Variants in SNX29 observed in about 807,000 individuals in gnomAD.
SNX29 encodes the protein sorting nexin-29.
SNX29 carries 78 observed loss-of-function variants against 102.1 expected under a neutral mutation model. The ratio of observed to expected loss-of-function variants is 0.76; its 90% CI spans 0.64 to 0.92. The LOEUF (loss-of-function observed/expected upper bound fraction) is 0.92. Ranked by LOEUF, SNX29 falls within the 40% of genes least tolerant of loss-of-function variation. The pLI is 0.00. For missense variants in SNX29, 1,280 were observed against 1,061.7 expected, an observed-to-expected ratio of 1.21 and a Z score of -2.86; for synonymous variants, 580 against 414.5, an observed-to-expected ratio of 1.40 and a Z score of -4.85.
intron 4 of SNX29, among the ~76,000 whole-genome samples, chr16:12,031,922 C>T (rs2057357001): frequency 6.6e-6 from 1 of 152,180 alleles, no homozygotes; most frequent in Non-Finnish European, 1.5e-5. Context: ...TGTACATTCA[C>T]ATGTCATACA....
At chr16:12,061,303 C>G (rs542933965) in intron 8 of SNX29, among the ~76,000 whole-genome samples, 1 of 152,214 alleles carries the variant, frequency 6.6e-6, no homozygotes, top group Non-Finnish European at 1.5e-5. Flanking sequence ...GTAGGGAGCA[C>G]AGTGCCTGGC....
At chr16:12,166,449 T>C (rs1239032232) in intron 13 of SNX29, among the ~76,000 whole-genome samples, 1 of 151,862 alleles carries the variant, frequency 6.6e-6, no homozygotes, top group South Asian at 2.1e-4. Flanking sequence ...GTTAACATGG[T>C]GAAGGAAGGG....
intron 14 of SNX29, among the ~76,000 whole-genome samples, chr16:12,230,645 A>T (rs776039326): frequency 2.0e-5 from 3 of 152,230 alleles, no homozygotes; most frequent in Admixed American, 6.5e-5. Context: ...AGCAGATGGT[A>T]GGCCTTGAAT....
chr16:12,337,860 G>T (rs556416800), intron 15 of SNX29, among the ~76,000 whole-genome samples: 1 of 152,118 alleles, frequency 6.6e-6, no homozygotes, highest in Admixed American at 6.6e-5. Context: ...TATGTCCTGG[G>T]TATAAAAGCT....
chr16:12,166,545 G>C (rs1366670909), intron 13 of SNX29, among the ~76,000 whole-genome samples: 1 of 152,240 alleles, frequency 6.6e-6, no homozygotes, highest in Non-Finnish European at 1.5e-5. Flanking sequence ...GTGGCGCTCA[G>C]TTCACTTGGA....
intron 18 of SNX29, among the ~76,000 whole-genome samples, chr16:12,477,037 A>G (rs781314657): frequency 6.6e-6 from 1 of 152,158 alleles, no homozygotes; most frequent in African/African-American, 2.4e-5. Context: ...TGAAGTTGCT[A>G]CTTGCCCCTG....
intron 15 of SNX29, among the ~76,000 whole-genome samples, chr16:12,282,334 G>A (rs1309068899): frequency 6.6e-6 from 1 of 152,156 alleles, no homozygotes; most frequent in African/African-American, 2.4e-5. Flanking sequence ...GCTGGTGGTG[G>A]GGACATCACA....
intron 20 of SNX29, among the ~76,000 whole-genome samples, chr16:12,542,617 C>G (rs539172891): frequency 6.6e-6 from 1 of 152,344 alleles, no homozygotes; most frequent in Non-Finnish European, 1.5e-5. Flanking sequence ...CAGGCGTGAG[C>G]CACGGCACCC....
At chr16:12,372,957 A>C (rs985285023) in intron 16 of SNX29, 2 of 152,186 alleles carry the variant, frequency 1.3e-5, no homozygotes, top group African/African-American at 4.8e-5. Context: ...TGAGCTGTGC[A>C]TGTAGTAGCA....
chr16:12,311,172 A>T (rs1339388869), intron 15 of SNX29, among the ~76,000 whole-genome samples: 1 of 152,158 alleles, frequency 6.6e-6, no homozygotes, highest in Admixed American at 6.5e-5. Flanking sequence ...CCCTGTTGGG[A>T]ACTTCAGGGA....
intron 19 of SNX29, among the ~76,000 whole-genome samples, chr16:12,489,395 G>A (rs887705484): frequency 1.6e-4 from 25 of 152,034 alleles, no homozygotes; most frequent in Middle Eastern, 3.4e-3. Flanking sequence ...CCTTTCTCTC[G>A]TCCTTCTCTG....
chr16:12,076,826 A>T (rs2051597559), intron 10 of SNX29, among the ~76,000 whole-genome samples: 1 of 152,106 alleles, frequency 6.6e-6, no homozygotes. Context: ...ACCGTAAACC[A>T]TATTAGATGC....
chr16:12,290,360 C>T (rs1280878005), intron 15 of SNX29, among the ~76,000 whole-genome samples: 1 of 152,130 alleles, frequency 6.6e-6, no homozygotes, highest in Non-Finnish European at 1.5e-5. Context: ...CTTTCCTGTC[C>T]GTTTTCGCTG....
At chr16:12,439,427 G>T (rs3930611) in intron 18 of SNX29, among the ~76,000 whole-genome samples, 2 of 152,038 alleles carry the variant, frequency 1.3e-5, no homozygotes, top group Non-Finnish European at 2.9e-5. Context: ...ACCAGAGACC[G>T]GGCAATTTAC....
chr16:12,561,458 G>A (rs1344346209), intron 20 of SNX29, among the ~76,000 whole-genome samples: 2 of 152,138 alleles, frequency 1.3e-5, no homozygotes, highest in Admixed American at 1.3e-4. Context: ...TTCAAAGGCA[G>A]CTCCTAGTAA....
At chr16:12,362,137 C>T (rs2082317828) in intron 16 of SNX29, among the ~76,000 whole-genome samples, 1 of 152,190 alleles carries the variant, frequency 6.6e-6, no homozygotes, top group African/African-American at 2.4e-5. Context: ...TTTTAAGAAC[C>T]GTGTCTTGTT....
At chr16:12,094,856 T>C (rs1370205004) in intron 11 of SNX29, among the ~76,000 whole-genome samples, 3 of 152,086 alleles carry the variant, frequency 2.0e-5, no homozygotes, top group African/African-American at 4.8e-5. Context: ...GTATTTTGTC[T>C]TAGGCTTTTT....
chr16:12,491,800 A>G (rs9674159), intron 19 of SNX29, among the ~76,000 whole-genome samples: 6,936 of 151,526 alleles, frequency 0.046, 350 homozygotes, highest in East Asian at 0.23. Flanking sequence ...TGTCCTTGTG[A>G]TAGTTTGCTG....
At position 12,061,975 on chromosome 16, in the gene SNX29, C is replaced by T. The variant is rs142080336; in HGVS notation, c.1243+329C>T. On this transcript the variant is annotated intron_variant, in intron 9 of 20. Transcript: ENST00000566228. ...TTTAAAAGCTGACCACAAATAGTGA[C>T]CACGATTTTGCCTCTTTGGAGATGC... is the stretch of plus-strand genomic sequence containing the variant. 5.4e-3 allele frequency among the ~76,000 whole-genome samples: 829 copies of T among 152,272 alleles called. 7 individuals carry two copies. Among genetic ancestry groups the T allele is most frequent in the African/African-American group, 0.019 (786 of 41,550 alleles).
Sources: gnomAD v4.1 joint callset for allele counts (sites outside exome capture counted in the v4.1 genomes callset) on GRCh38, gnomAD v4.1.1 for gene constraint, MANE v1.5 for transcripts, NCBI Gene and HGNC (gene_info 2026-07-23, HGNC 2026-07-21) for gene names.